The following TACC2 variants were observed in gnomAD, a reference collection of about 807,000 sequenced individuals.
The protein encoded by TACC2 is transforming acidic coiled-coil-containing protein 2.
TACC2 carries 137 observed loss-of-function variants against 227.3 expected under a neutral mutation model. The ratio of observed to expected loss-of-function variants is 0.60; its 90% CI spans 0.52 to 0.69. TACC2 has a LOEUF of 0.69. Ranked by LOEUF, TACC2 falls within the 30% of genes least tolerant of loss-of-function variation. TACC2 has a pLI of 0.00. For synonymous variants in TACC2, 1,523 were observed against 1,487.5 expected (o/e 1.02, Z -0.55); for missense variants, 3,470 against 3,694.4 (o/e 0.94, Z 1.57).
chr10:122,226,784 A>G (rs2095638084), intron 13 of TACC2, among the ~76,000 whole-genome samples: 1 of 152,036 alleles, frequency 6.6e-6, no homozygotes, highest in Non-Finnish European at 1.5e-5. Flanking sequence ...ACATAAACGC[A>G]TTGGTTTTGT....
chr10:122,052,634 G>C (rs1231091392), intron 3 of TACC2: 4 of 145,508 alleles, frequency 2.7e-5, no homozygotes, highest in African/African-American at 1.0e-4. Context: ...AGTGAGCCGA[G>C]ATCGTACCAC....
chr10:122,040,475 T>C (rs184434547), intron 2 of TACC2, among the ~76,000 whole-genome samples: 2 of 152,266 alleles, frequency 1.3e-5, no homozygotes, highest in Admixed American at 1.3e-4. Flanking sequence ...TTCACAGTTG[T>C]TCAGTTCTGG....
chr10:122,222,250 A>G (rs1010896), intron 11 of TACC2, among the ~76,000 whole-genome samples: 51,499 of 152,144 alleles, frequency 0.34, 9,213 homozygotes, highest in Middle Eastern at 0.5. Context: ...GATGAGTGAA[A>G]TTTTGAAAAC....
At chr10:122,229,020 G>A (rs1337102409) in intron 14 of TACC2, among the ~76,000 whole-genome samples, 1 of 151,946 alleles carries the variant, frequency 6.6e-6, no homozygotes, top group East Asian at 1.9e-4. Context: ...TGTTACGTTT[G>A]GAAAACCCAC....
intron 8 of TACC2, among the ~76,000 whole-genome samples, chr10:122,202,702 C>T (rs1204144756): frequency 2.1e-5 from 3 of 143,576 alleles, no homozygotes; most frequent in African/African-American, 5.3e-5. Context: ...GGGTGTTTCT[C>T]GGAGAGGGGG....
At position 122,194,556 on chromosome 10, in the gene TACC2, A is replaced by G. The variant is rs1263630874; in HGVS notation, c.5835-484A>G. Reference sequence around the variant, plus strand: ...AGGCCGGCTGCCCTCCTGTGTTTTGAGCTCCGTAGAAGAGAAAGACAGTAA... The same window carrying G: ...AGGCCGGCTGCCCTCCTGTGTTTTGGGCTCCGTAGAAGAGAAAGACAGTAA... On this transcript the variant is annotated intron_variant, in intron 7 of 22. Transcript: ENST00000369005. The surrounding 1 kb of genome is among the most constrained non-coding windows in gnomAD (Gnocchi z 4.4). Among the ~76,000 whole-genome samples the G allele has an allele frequency of 6.6e-6, 1 of 152,108 alleles. No homozygotes were observed. The highest frequency in any genetic ancestry group is 2.4e-5 in the African/African-American group (1 of 41,418).
At chr10:122,016,459 C>T (rs1319292121) in intron 1 of TACC2, among the ~76,000 whole-genome samples, 7 of 150,772 alleles carry the variant, frequency 4.6e-5, no homozygotes, top group East Asian at 2.0e-4. Flanking sequence ...CCCAGCTCCT[C>T]GGGAGGCTGA....
intron 7 of TACC2, chr10:122,163,759 G>T (rs576757322): frequency 8.3e-7 from 1 of 1,204,098 alleles, no homozygotes; most frequent in Non-Finnish European, 1.0e-6. Flanking sequence ...GCCGCGAGTC[G>T]CAGCTCCCTG....
chr10:122,222,124 T>G (rs1589699144), intron 11 of TACC2, among the ~76,000 whole-genome samples: 1 of 152,300 alleles, frequency 6.6e-6, no homozygotes, highest in East Asian at 1.9e-4. Flanking sequence ...CCACTTGGTG[T>G]GGTGACATCA....
In TACC2 at chr10:122,049,182, G is replaced by A. The variant is rs1162187473; in HGVS notation, c.34-1256G>A. 2.0e-5 allele frequency among the ~76,000 whole-genome samples: 3 copies of A among 152,202 alleles called. No individual in the cohort carries two copies. In the East Asian group the frequency reaches 5.8e-4, roughly 29 times the overall value. On this transcript the variant is annotated intron_variant, in intron 2 of 22. Transcript: ENST00000369005. ...GTACCCACCTGCTAAGGTGAAAAGG[G>A]CAATGCATGCGGCCTCATCATAGAG...
At chr10:122,224,593 G>A (rs888634489) in intron 11 of TACC2, 133 bp from the exon 12 acceptor site, 10 of 735,488 alleles carry the variant, frequency 1.4e-5, no homozygotes, top group Non-Finnish European at 1.7e-5. Context: ...TCTCTAGACA[G>A]TGGGCACCGT....
intron 2 of TACC2, among the ~76,000 whole-genome samples, chr10:122,034,364 T>C (rs1357573984): frequency 9.2e-5 from 14 of 152,160 alleles, no homozygotes; most frequent in Admixed American, 9.2e-4. Flanking sequence ...TGATGACTCA[T>C]GTTTTATAGA....
intron 14 of TACC2, 32 bp downstream of exon 14, chr10:122,228,040 G>A: frequency 6.2e-7 from 1 of 1,600,966 alleles, no homozygotes; most frequent in Non-Finnish European, 8.5e-7. Flanking sequence ...CAGATCACAG[G>A]GGATGAGGTG....
intron 7 of TACC2, among the ~76,000 whole-genome samples, chr10:122,168,312 A>G (rs2139997446): frequency 6.6e-6 from 1 of 152,238 alleles, no homozygotes; most frequent in South Asian, 2.1e-4. Context: ...GAGTTCCTGG[A>G]CGGAGATTTT....
chr10:122,076,555 T>C (rs2078833305), intron 3 of TACC2, among the ~76,000 whole-genome samples: 1 of 152,198 alleles, frequency 6.6e-6, no homozygotes, highest in South Asian at 2.1e-4. Context: ...TGAATTATAG[T>C]AATTTATGAA....
chr10:122,057,508 A>C (rs2076326935), intron 3 of TACC2, among the ~76,000 whole-genome samples: 1 of 152,068 alleles, frequency 6.6e-6, no homozygotes, highest in Admixed American at 6.5e-5. Context: ...AAGAAGCCTT[A>C]AAAACTAAGT....
At chr10:122,024,014 A>G (rs182524338) in intron 2 of TACC2, among the ~76,000 whole-genome samples, 16 of 152,304 alleles carry the variant, frequency 1.1e-4, no homozygotes, top group African/African-American at 3.6e-4. Context: ...TGAAATGTTA[A>G]GTTTTTAAAT....
In TACC2 at chr10:122,016,743, G is replaced by A. The variant is rs559526142; in HGVS notation, c.-45-5194G>A. On this transcript the variant is annotated intron_variant, in intron 1 of 22. Coordinates refer to ENST00000369005, the MANE Select transcript of TACC2 (RefSeq NM_206862.4). ...CTTTACATTTCCCCCAGCTTCTTCC[G>A]ACTCCAAGTTTCTTCTTCTATAAGA... Among the ~76,000 whole-genome samples the A allele has an allele frequency of 5.3e-5, 8 of 152,046 alleles. No individual in the cohort carries two copies. In the South Asian group the frequency reaches 6.2e-4, roughly 12 times the overall value.
In TACC2 at chr10:122,230,397, C is replaced by T; in HGVS notation, c.8084C>T (p.Ala2695Val). 1 of 1,614,178 alleles carries T rather than the reference C, an allele frequency of 6.2e-7. No homozygotes were observed. Among genetic ancestry groups the T allele is most frequent in the South Asian group, 1.1e-5 (1 of 91,078 alleles). Residue 2695 changes from alanine to valine, a missense_variant, in exon 16 of 23, where the codon GCC becomes GTC. Coordinates refer to ENST00000369005, the MANE Select transcript of TACC2 (RefSeq NM_206862.4). ...AIMRIEALKL[A>V]RQIALASRSH... ...ATGCGGATAGAAGCCCTGAAGCTGG[C>T]CAGGCAGATTGCTTTGGCTTCCCGC...
Sources: gnomAD v4.1 joint callset for allele counts (sites outside exome capture counted in the v4.1 genomes callset) on GRCh38, gnomAD v4.1.1 for gene constraint, Gnocchi (gnomAD v3.1) non-coding constraint, MANE v1.5 for transcripts, NCBI Gene and HGNC (gene_info 2026-07-23, HGNC 2026-07-21) for gene names.